Variants in NPAS4 observed in about 807,000 individuals in gnomAD.
NPAS4 encodes neuronal PAS domain-containing protein 4.
In NPAS4, 10 loss-of-function variants were observed where a neutral mutation model predicts 64.0. The ratio of observed to expected loss-of-function variants is 0.16; its 90% CI spans 0.10 to 0.26. NPAS4 has a LOEUF of 0.26. NPAS4 is among the 10% of genes least tolerant of loss of function. NPAS4 has a pLI of 1.00. For synonymous variants in NPAS4, 441 were observed against 411.7 expected (o/e 1.07, Z -0.86); for missense variants, 886 against 992.6 (o/e 0.89, Z 1.44).
chr11:66,414,088 A>T, the NPAS4 span, among the ~76,000 whole-genome samples: 6 of 152,228 alleles, frequency 3.9e-5, no homozygotes, highest in East Asian at 1.9e-4. Flanking sequence ...AAGTAAACAC[A>T]CAGGGACAAT....
intron 7 of NPAS4, 80 bp downstream of exon 7, chr11:66,425,350 C>G: frequency 1.4e-6 from 1 of 734,674 alleles, no homozygotes; most frequent in South Asian, 2.3e-5. Flanking sequence ...AAATCAATTC[C>G]CCCTCTCTGT....
At chr11:66,411,102 G>A in the NPAS4 span, 11 of 152,320 alleles carry the variant, frequency 7.2e-5, no homozygotes, top group Non-Finnish European at 1.3e-4. Flanking sequence ...GGTCTCCAGG[G>A]TCCCTGCCCA....
At chr11:66,420,036 G>A (rs1363139022), upstream of NPAS4, among the ~76,000 whole-genome samples, 1 of 152,184 alleles carries the variant, frequency 6.6e-6, no homozygotes, top group African/African-American at 2.4e-5. Flanking sequence ...GAGGATTCCT[G>A]TCCTAATATG....
chr11:66,416,483 C>G (rs185343091), upstream of NPAS4, among the ~76,000 whole-genome samples: 29 of 152,262 alleles, frequency 1.9e-4, no homozygotes, highest in African/African-American at 6.7e-4. Context: ...TTGGAGGAGG[C>G]CTTGGAGACT....
upstream of NPAS4, chr11:66,420,907 C>A (rs1856730799): frequency 2.4e-6 from 1 of 418,084 alleles, no homozygotes; most frequent in Non-Finnish European, 4.3e-6. Flanking sequence ...GAGGAGCCCC[C>A]CTCCCCAGTC....
In NPAS4 at chr11:66,421,258, C is replaced by T. The variant is rs374708818; in HGVS notation, c.79C>T (p.Leu27=). ...NAEIRNLKEL[L]PLAEADKVRL... is the part of the protein sequence containing the mutation. ...CGAGATCCGGAACCTCAAGGAGCTG[C>T]TGCCGCTGGCCGAAGCGGACAAGGT... Residue 27 remains leucine (L), a synonymous_variant, in exon 1 of 8, where the codon CTG becomes TTG. Transcript: ENST00000311034. The T allele has an allele frequency of 1.2e-6, 2 of 1,614,062 alleles. No homozygotes were observed. The highest frequency in any genetic ancestry group is 1.7e-6 in the Non-Finnish European group (2 of 1,179,952).
At chr11:66,417,362 GC>G (rs1856683166), upstream of NPAS4, among the ~76,000 whole-genome samples, 1 of 151,886 alleles carries the variant, frequency 6.6e-6, no homozygotes, top group South Asian at 2.1e-4. Flanking sequence ...ACTAAAGAAA[GC>G]CCTTCTCTTC....
the NPAS4 span, among the ~76,000 whole-genome samples, chr11:66,412,719 G>A: frequency 1.3e-5 from 2 of 152,182 alleles, no homozygotes; most frequent in Admixed American, 6.5e-5. Flanking sequence ...TTAACAAATC[G>A]GTAAACTGAG....
Position 66,422,266 on chromosome 11 carries a change from T to C in NPAS4, c.322T>C (p.Ser108Pro), listed in dbSNP as rs775649179. Residue 108 changes from serine to proline, a missense_variant, in exon 2 of 8, where the codon TCC (serine) becomes CCC (proline). Transcript: ENST00000311034. The stretch of plus-strand genomic sequence containing the variant: ...GAGTGTGAGCGAGCATCTGGGCCAC[T>C]CCATGGTGAGTGCTAAGGGTCCTTT... Reference protein sequence around the residue: ...SESVSEHLGHSMVDLVAQGDS... With the variant: ...SESVSEHLGHPMVDLVAQGDS... 5 of 1,614,002 alleles carry C rather than the reference T, an allele frequency of 3.1e-6. No homozygotes were observed. Among genetic ancestry groups the C allele is most frequent in the Non-Finnish European group, 2.5e-6 (3 of 1,179,986 alleles).
intron 1 of NPAS4, among the ~76,000 whole-genome samples, chr11:66,421,604 G>C (rs920561869): frequency 6.6e-6 from 1 of 152,236 alleles, no homozygotes; most frequent in Admixed American, 6.5e-5. Context: ...TAAGAGCCAG[G>C]ACAGAGCGGC....
At chr11:66,412,082 A>T in the NPAS4 span, among the ~76,000 whole-genome samples, 1 of 152,238 alleles carries the variant, frequency 6.6e-6, no homozygotes, top group Non-Finnish European at 1.5e-5. Context: ...CTGGAGGCTG[A>T]GGTATCTGTT....
rs1250315282 is a variant in NPAS4 at position 66,425,033 on chromosome 11, A to G, written c.2143A>G (p.Met715Val). ...LEETPVEDIF[M>V]DLSTPDPSEE... Reference sequence around the variant, plus strand: ...AGAGACGCCCGTGGAAGACATCTTCATGGATCTCTCTACCCCAGATCCCAG... The same window carrying G: ...AGAGACGCCCGTGGAAGACATCTTCGTGGATCTCTCTACCCCAGATCCCAG... Residue 715 changes from methionine (M) to valine (V), a missense_variant, in exon 7 of 8, where the codon ATG becomes GTG. Physicochemically the swap from Met to Val is conservative, Grantham distance 21 (BLOSUM62 1). Coordinates refer to ENST00000311034, the MANE Select transcript of NPAS4 (RefSeq NM_178864.4). The G allele has an allele frequency of 2.5e-6, 4 of 1,613,316 alleles. No individual in the cohort carries two copies. In the African/African-American group the frequency reaches 5.3e-5, roughly 22 times the overall value.
chr11:66,419,941 C>A (rs1392411438), upstream of NPAS4, among the ~76,000 whole-genome samples: 3 of 152,192 alleles, frequency 2.0e-5, no homozygotes, highest in Non-Finnish European at 2.9e-5. Flanking sequence ...GCTCCCCCAT[C>A]TTGCCCGCCT....
upstream of NPAS4, among the ~76,000 whole-genome samples, chr11:66,419,435 C>T (rs1856705048): frequency 6.6e-6 from 1 of 152,134 alleles, no homozygotes; most frequent in Non-Finnish European, 1.5e-5. Flanking sequence ...CCAAATTGTC[C>T]TTTTTGATGT....
At position 66,426,210 on chromosome 11, in the gene NPAS4, C is replaced by A. The variant is rs559539416; in HGVS notation, c.*221C>A. ...CTTCGAGCGATCCCAGTTTCCATTTCAATCTGTATTCACTCGTAGTGAGTT... is the reference window on the plus strand; with the variant it reads ...CTTCGAGCGATCCCAGTTTCCATTTAAATCTGTATTCACTCGTAGTGAGTT... On this transcript the variant is annotated 3_prime_UTR_variant, in exon 8 of 8. Transcript: ENST00000311034. 3 of 549,678 alleles carry A rather than the reference C, an allele frequency of 5.5e-6. No individual in the cohort carries two copies. The East Asian group carries it at 9.1e-5, about 17-fold the overall frequency. 34.1% of individuals were successfully genotyped at this position (549,678 alleles called of 1,614,324 possible). A position where few individuals can be genotyped will look rare whatever the true frequency, so the allele number is the denominator to read the frequency against.
Position 66,424,491 on chromosome 11 carries a change from C to A in NPAS4, c.1601C>A (p.Pro534His), listed in dbSNP as rs1856808315. The A allele has an allele frequency of 6.2e-7, 1 of 1,614,060 alleles. No individual in the cohort carries two copies. Among genetic ancestry groups the A allele is most frequent in the Non-Finnish European group, 8.5e-7 (1 of 1,180,050 alleles). The change falls in exon 7 of 8, where the codon CCC becomes CAC. Residue 534 changes from proline to histidine, a missense_variant. Coordinates refer to ENST00000311034, the MANE Select transcript of NPAS4 (RefSeq NM_178864.4). ...CCTGCCCATGAACAGCTGACTCCTC[C>A]CAGCACAGCATTCCAAGCACACCTG... is the stretch of plus-strand genomic sequence containing the variant. ...GSPAHEQLTP[P>H]STAFQAHLDS...
At position 66,421,136 on chromosome 11, in the gene NPAS4, G is replaced by T; in HGVS notation, c.-44G>T. ...GCCGCCGGTGCGTCGGGACGGGAGC[G>T]CAGGTGCTCGGGCACCCGAGCTGGA... On this transcript the variant is annotated 5_prime_UTR_variant, in exon 1 of 8. Transcript: ENST00000311034. 6.5e-7 allele frequency: 1 copy of T among 1,535,458 alleles called. No individual in the cohort carries two copies. Among genetic ancestry groups the T allele is most frequent in the Non-Finnish European group, 8.8e-7 (1 of 1,132,566 alleles).
At chr11:66,420,298 G>A (rs1325130637), upstream of NPAS4, among the ~76,000 whole-genome samples, 2 of 152,220 alleles carry the variant, frequency 1.3e-5, no homozygotes, top group Non-Finnish European at 2.9e-5. Flanking sequence ...CTTGGCTGTG[G>A]GAAAACAGGA....
chr11:66,424,303 G>T lies in NPAS4; in HGVS notation c.1413G>T (p.Thr471=), dbSNP rs371667911. The change falls in exon 7 of 8, where the codon ACG becomes ACT. Residue 471 remains threonine, a synonymous_variant. Transcript: ENST00000311034. ...CTGCGACCTTCTCTGATCAGTTGAC[G>T]CCCAGCAGTGCAACCTTCCCAGATC... The part of the protein sequence containing the change: ...PSTATFSDQL[T]PSSATFPDPL... 3 of 1,614,086 alleles carry T rather than the reference G, an allele frequency of 1.9e-6. No individual in the cohort carries two copies. The highest frequency in any genetic ancestry group is 2.5e-6 in the Non-Finnish European group (3 of 1,180,010).
Sources: gnomAD v4.1 joint callset for allele counts (sites outside exome capture counted in the v4.1 genomes callset) on GRCh38, gnomAD v4.1.1 for gene constraint, MANE v1.5 for transcripts, NCBI Gene and HGNC (gene_info 2026-07-23, HGNC 2026-07-21) for gene names.